The following PACRG variants were observed in gnomAD, a reference collection of about 807,000 sequenced individuals.
PACRG encodes parkin coregulated gene protein.
In PACRG, 29 loss-of-function variants were observed where a neutral mutation model predicts 29.7. The ratio of observed to expected loss-of-function variants is 0.98; its 90% CI spans 0.73 to 1.33. The LOEUF (loss-of-function observed/expected upper bound fraction) is 1.33, where lower values mean the gene tolerates loss of function less well. Ranked by LOEUF, PACRG falls within the 40% of genes most tolerant of loss-of-function variation. The probability of loss-of-function intolerance (pLI) is 0.00; values close to 1 mark genes in which losing one functional copy is unlikely to be tolerated. For missense variants in PACRG, 279 were observed against 316.2 expected, an observed-to-expected ratio of 0.88 and a Z score of 0.89; for synonymous variants, 116 against 118.7, an observed-to-expected ratio of 0.98 and a Z score of 0.15.
At chr6:163,153,085 G>A (rs533155528) in intron 4 of PACRG, among the ~76,000 whole-genome samples, 10 of 152,228 alleles carry the variant, frequency 6.6e-5, no homozygotes, top group African/African-American at 1.7e-4. Flanking sequence ...TTTCTATATC[G>A]AATAATTTTT....
At chr6:163,294,768 A>G (rs1332418319) in intron 4 of PACRG, among the ~76,000 whole-genome samples, 1 of 151,992 alleles carries the variant, frequency 6.6e-6, no homozygotes, top group East Asian at 1.9e-4. Flanking sequence ...GAATTTTAAG[A>G]TTAGAAGGAA....
intron 4 of PACRG, among the ~76,000 whole-genome samples, chr6:163,133,517 C>A (rs1585252644): frequency 6.6e-6 from 1 of 152,198 alleles, no homozygotes; most frequent in Admixed American, 6.5e-5. Flanking sequence ...TATTAGAACA[C>A]CCCTAGAGAG....
intron 4 of PACRG, among the ~76,000 whole-genome samples, chr6:163,249,346 TA>T (rs36007887): frequency 0.012 from 1,836 of 151,832 alleles, 46 homozygotes; most frequent in African/African-American, 0.042. Flanking sequence ...ATTGTCCATT[TA>T]AAAAAAAACA....
At chr6:163,293,742 G>A (rs1784692613) in intron 4 of PACRG, among the ~76,000 whole-genome samples, 1 of 151,992 alleles carries the variant, frequency 6.6e-6, no homozygotes, top group Admixed American at 6.6e-5. Context: ...ATTAAAGTAA[G>A]GTATACAGGG....
intron 1 of PACRG, among the ~76,000 whole-genome samples, chr6:162,731,883 A>G (rs1365814642): frequency 6.6e-6 from 1 of 152,156 alleles, no homozygotes; most frequent in Non-Finnish European, 1.5e-5. Flanking sequence ...TCATAATAGA[A>G]GTTCAATTTT....
At chr6:162,926,896 A>T (rs558448794) in intron 2 of PACRG, among the ~76,000 whole-genome samples, 1 of 152,214 alleles carries the variant, frequency 6.6e-6, no homozygotes, top group African/African-American at 2.4e-5. Flanking sequence ...AAATTTTTGC[A>T]ATCTACCCAT....
chr6:163,221,780 G>A (rs761691302), intron 4 of PACRG, among the ~76,000 whole-genome samples: 2 of 152,132 alleles, frequency 1.3e-5, no homozygotes, highest in African/African-American at 2.4e-5. Flanking sequence ...AATGTCATTC[G>A]CTCACTGTTG....
Position 163,205,947 on chromosome 6 carries a change from G to A in PACRG, c.614-108880G>A, listed in dbSNP as rs142950837. Among the ~76,000 whole-genome samples the A allele has an allele frequency of 7.1e-3, 1,074 of 152,148 alleles. 9 individuals are homozygous for A. The highest frequency in any genetic ancestry group is 0.024 in the African/African-American group (1,008 of 41,542). ...AAAATAAGACACAAATGACCAACAAGCATGTGAAAAAATGCTTCACATCAC... is the reference window on the plus strand; with the variant it reads ...AAAATAAGACACAAATGACCAACAAACATGTGAAAAAATGCTTCACATCAC... On this transcript the variant is annotated intron_variant, in intron 4 of 4. Transcript: ENST00000366888.
chr6:162,819,974 G>A (rs953120982), intron 2 of PACRG, among the ~76,000 whole-genome samples: 1 of 152,112 alleles, frequency 6.6e-6, no homozygotes, highest in Non-Finnish European at 1.5e-5. Context: ...TGAATCCATA[G>A]CACTTTAGGT....
chr6:162,728,296 A>T lies in PACRG; in HGVS notation c.61A>T (p.Thr21Ser), dbSNP rs1209238984. Reference protein sequence around the residue: ...NKCPDKMPKRTKLLAQQPLPV... With the variant: ...NKCPDKMPKRSKLLAQQPLPV... ...ATGCCCAGACAAGATGCCGAAGAGGACCAAGCTGCTGGCACAACAGCCGCT... is the reference window on the plus strand; with the variant it reads ...ATGCCCAGACAAGATGCCGAAGAGGTCCAAGCTGCTGGCACAACAGCCGCT... The change falls in exon 1 of 5, where the codon ACC becomes TCC. Residue 21 changes from threonine (T) to serine (S), a missense_variant. Coordinates refer to ENST00000366888, the MANE Select transcript of PACRG (RefSeq NM_001080379.2). The T allele has an allele frequency of 6.2e-7, 1 of 1,614,066 alleles. No individual in the cohort carries two copies.
chr6:163,024,258 T>C (rs1806903044), intron 2 of PACRG, among the ~76,000 whole-genome samples: 1 of 152,188 alleles, frequency 6.6e-6, no homozygotes, highest in Non-Finnish European at 1.5e-5. Flanking sequence ...TGGTGAAAGA[T>C]AGGGGTCCAG....
intron 4 of PACRG, among the ~76,000 whole-genome samples, chr6:163,121,422 G>A (rs557202189): frequency 9.0e-4 from 137 of 152,094 alleles, no homozygotes; most frequent in African/African-American, 3.1e-3. Flanking sequence ...TGTCTACCTC[G>A]GGGCTTCTGT....
chr6:163,279,061 TG>T, intron 4 of PACRG, among the ~76,000 whole-genome samples: 1 of 152,314 alleles, frequency 6.6e-6, no homozygotes, highest in Middle Eastern at 3.4e-3. Context: ...CTTGGTTAGG[TG>T]TATTCCTAAG....
chr6:163,131,131 C>A (rs1197204587), intron 4 of PACRG, among the ~76,000 whole-genome samples: 3 of 151,964 alleles, frequency 2.0e-5, no homozygotes, highest in Non-Finnish European at 4.4e-5. Context: ...CAGGGTGAAA[C>A]CCCGTCTCTA....
At chr6:163,252,302 G>A (rs1308801841) in intron 4 of PACRG, among the ~76,000 whole-genome samples, 2 of 152,244 alleles carry the variant, frequency 1.3e-5, no homozygotes, top group South Asian at 2.1e-4. Flanking sequence ...GCCGGCCTTC[G>A]TTCCTAGGCT....
chr6:162,855,158 C>T (rs934454400), intron 2 of PACRG, among the ~76,000 whole-genome samples: 2 of 152,212 alleles, frequency 1.3e-5, no homozygotes, highest in Non-Finnish European at 2.9e-5. Context: ...TTCTCAGACT[C>T]GGCGTAAGCT....
chr6:162,970,402 C>T (rs1801428266), intron 2 of PACRG, among the ~76,000 whole-genome samples: 1 of 152,152 alleles, frequency 6.6e-6, no homozygotes, highest in South Asian at 2.1e-4. Flanking sequence ...CAGAAGCTGA[C>T]TGCATTGAAC....
At chr6:162,727,318 T>G (rs1779290596), upstream of PACRG, 5 of 337,448 alleles carry the variant, frequency 1.5e-5, no homozygotes, top group East Asian at 5.7e-5. Flanking sequence ...GGGGCGAAGG[T>G]GAGGGGCGGC....
intron 4 of PACRG, among the ~76,000 whole-genome samples, chr6:163,113,652 C>G (rs1012772262): frequency 2.6e-5 from 4 of 152,096 alleles, no homozygotes; most frequent in African/African-American, 9.7e-5. Context: ...AACCCAATAT[C>G]CAGCAAAACT....
Sources: allele counts gnomAD v4.1 joint callset (sites outside exome capture counted in the v4.1 genomes callset), GRCh38; gene constraint gnomAD v4.1.1; transcripts MANE v1.5; gene names NCBI Gene and HGNC (gene_info 2026-07-23, HGNC 2026-07-21).